PTTG1IP2: variants seen among roughly 807,000 people sequenced by gnomAD.
PTTG1IP2 encodes the protein PTTG1IP family member 2.
At chr7:90,486,348 T>C (rs1666928673) in intron 2 of PTTG1IP2, among the ~76,000 whole-genome samples, 1 of 149,486 alleles carries the variant, frequency 6.7e-6, no homozygotes, top group South Asian at 2.2e-4. Context: ...AGTACCTAGA[T>C]CACCGGGTTG....
At chr7:90,500,460 G>C (rs924784279) in intron 6 of PTTG1IP2, among the ~76,000 whole-genome samples, 2 of 152,164 alleles carry the variant, frequency 1.3e-5, no homozygotes. Context: ...ATGAGAGAAA[G>C]AGTTTAAAGA....
chr7:90,487,224 G>T (rs920952701), intron 2 of PTTG1IP2, 103 bp from the exon 3 acceptor site: 8 of 152,404 alleles, frequency 5.2e-5, no homozygotes, highest in African/African-American at 1.9e-4. Flanking sequence ...TAATAATAAT[G>T]GTTATTATTT....
chr7:90,511,758 A>C (rs1798192851), intron 6 of PTTG1IP2, among the ~76,000 whole-genome samples: 1 of 152,138 alleles, frequency 6.6e-6, no homozygotes. Flanking sequence ...ATAGAATCCC[A>C]GCTCTATCAC....
chr7:90,502,021 G>C (rs1487044682), intron 6 of PTTG1IP2, among the ~76,000 whole-genome samples: 1 of 152,136 alleles, frequency 6.6e-6, no homozygotes, highest in Non-Finnish European at 1.5e-5. Context: ...AATGTTCACA[G>C]CATCTTCACC....
chr7:90,481,974 A>G (rs1367685515), intron 2 of PTTG1IP2, among the ~76,000 whole-genome samples: 1 of 152,208 alleles, frequency 6.6e-6, no homozygotes, highest in Non-Finnish European at 1.5e-5. Flanking sequence ...TTTATAATGG[A>G]AATACTGGGA....
chr7:90,480,920 CA>C (rs1269887467), intron 2 of PTTG1IP2, among the ~76,000 whole-genome samples: 2 of 152,102 alleles, frequency 1.3e-5, no homozygotes, highest in African/African-American at 4.8e-5. Context: ...GACTTAATCC[CA>C]AAAGGATTTG....
chr7:90,472,062 T>C (rs1215841651), intron 1 of PTTG1IP2, among the ~76,000 whole-genome samples: 1 of 151,680 alleles, frequency 6.6e-6, no homozygotes, highest in Non-Finnish European at 1.5e-5. Context: ...CTGAAAACAA[T>C]GGAGTGAATA....
At chr7:90,495,584 T>C (rs1339451353) in intron 6 of PTTG1IP2, among the ~76,000 whole-genome samples, 1 of 152,194 alleles carries the variant, frequency 6.6e-6, no homozygotes, top group Non-Finnish European at 1.5e-5. Context: ...GCACATTCCA[T>C]AATTCTATGG....
intron 2 of PTTG1IP2, among the ~76,000 whole-genome samples, chr7:90,481,982 G>T (rs191913945): frequency 1.3e-5 from 2 of 152,124 alleles, no homozygotes; most frequent in Admixed American, 1.3e-4. Context: ...GGAAATACTG[G>T]GAATATGTGT....
intron 3 of PTTG1IP2, among the ~76,000 whole-genome samples, chr7:90,488,423 G>A (rs903597105): frequency 6.6e-6 from 1 of 152,002 alleles, no homozygotes. Flanking sequence ...AAGTTTACAA[G>A]GGGTAGAAAT....
intron 6 of PTTG1IP2, 113 bp from the exon 7 acceptor site, chr7:90,513,165 T>C (rs951611892): frequency 6.6e-6 from 1 of 152,652 alleles, no homozygotes; most frequent in Non-Finnish European, 1.5e-5. Flanking sequence ...ACATTACATT[T>C]CTGTAAAAAT....
intron 5 of PTTG1IP2, 154 bp from the exon 6 acceptor site, chr7:90,494,213 C>G (rs1797969063): frequency 1.3e-5 from 2 of 152,074 alleles, no homozygotes; most frequent in Non-Finnish European, 2.9e-5. Context: ...GTCACTTGAG[C>G]CCTAAATATT....
rs1491565834 is a variant in PTTG1IP2, at chr7:90,497,713, T to TAAAAAAAAAAAAAAA, written c.*50+3284_*50+3285insAAAAAAAAAAAAAAA. ...GCCTGAGCGACAGAGAAAGACCCTG[T>TAAAAAAAAAAAAAAA]ATAAAAAAAAAAAAAAAAAAAAAAA... On this transcript the variant is annotated intron_variant, in intron 6 of 6. Transcript: ENST00000509356. Among the ~76,000 whole-genome samples, 47 of 49,596 alleles carry TAAAAAAAAAAAAAAA rather than the reference T, an allele frequency of 9.5e-4. 16 individuals carry two copies. Among genetic ancestry groups the TAAAAAAAAAAAAAAA allele is most frequent in the East Asian group, 5.3e-3 (7 of 1,320 alleles). 32.5% of individuals were successfully genotyped at this position (49,596 alleles called of 152,430 possible). A position where few individuals can be genotyped will look rare whatever the true frequency, so the allele number is the denominator to read the frequency against.
chr7:90,502,230 C>T (rs1798068595), intron 6 of PTTG1IP2, among the ~76,000 whole-genome samples: 1 of 152,184 alleles, frequency 6.6e-6, no homozygotes, highest in African/African-American at 2.4e-5. Context: ...GTGATTCTCC[C>T]ACCTCAAATG....
At chr7:90,484,386 T>C (rs1195083784) in intron 2 of PTTG1IP2, among the ~76,000 whole-genome samples, 1 of 152,108 alleles carries the variant, frequency 6.6e-6, no homozygotes, top group East Asian at 1.9e-4. Flanking sequence ...GTGATGTCCA[T>C]ATAAGCTTAA....
At chr7:90,503,487 C>T (rs1312567021) in intron 6 of PTTG1IP2, among the ~76,000 whole-genome samples, 1 of 152,220 alleles carries the variant, frequency 6.6e-6, no homozygotes, top group African/African-American at 2.4e-5. Context: ...GCATGCCTTC[C>T]TCACTAAGTT....
chr7:90,496,706 G>A (rs1413866388), intron 6 of PTTG1IP2, among the ~76,000 whole-genome samples: 1 of 151,874 alleles, frequency 6.6e-6, no homozygotes, highest in Non-Finnish European at 1.5e-5. Flanking sequence ...TTTCTGCCCT[G>A]ATCTTTATTA....
chr7:90,495,999 C>A (rs1472797772), intron 6 of PTTG1IP2, among the ~76,000 whole-genome samples: 1 of 152,072 alleles, frequency 6.6e-6, no homozygotes, highest in Non-Finnish European at 1.5e-5. Context: ...TTCCATTATT[C>A]GAGATTTTCC....
Position 90,487,455 on chromosome 7 carries a change from A to G in PTTG1IP2, c.286+35A>G, listed in dbSNP as rs543519521. The G allele has an allele frequency of 4.6e-5, 7 of 152,646 alleles. No individual in the cohort carries two copies. In the East Asian group the frequency reaches 7.7e-4, roughly 17 times the overall value. 9.5% of individuals were successfully genotyped at this position (152,646 alleles called of 1,614,324 possible). On this transcript the variant is annotated intron_variant, in intron 3 of 6. Coordinates refer to ENST00000509356, the MANE Select transcript of PTTG1IP2 (RefSeq NM_001365443.2). ...CCTTATTTAGATTTTTATGTTCTTT[A>G]TTTCAATTGACTTGCAAATGCTAGT...
Sources: gnomAD v4.1 joint callset for allele counts (sites outside exome capture counted in the v4.1 genomes callset) on GRCh38, gnomAD v4.1.1 for gene constraint, MANE v1.5 for transcripts, NCBI Gene and HGNC (gene_info 2026-07-23, HGNC 2026-07-21) for gene names.